The following TIPIN variants were observed in gnomAD, a reference collection of about 807,000 sequenced individuals.
TIPIN encodes the protein TIMELESS-interacting protein.
TIPIN carries 29 observed loss-of-function variants against 35.6 expected under a neutral mutation model. The observed-to-expected ratio is 0.82, with a 90% CI of 0.61 to 1.11. The LOEUF (loss-of-function observed/expected upper bound fraction) is 1.11, where lower values mean the gene tolerates loss of function less well. TIPIN is among the 50% of genes most tolerant of loss of function. The pLI is 0.00. For synonymous variants in TIPIN, 102 were observed against 121.5 expected (o/e 0.84, Z 1.06); for missense variants, 296 against 345.4 (o/e 0.86, Z 1.13).
In TIPIN at chr15:66,336,758, A is replaced by C; in HGVS notation, c.*200T>G. 1 of 532,748 alleles carries C rather than the reference A, an allele frequency of 1.9e-6. No individual in the cohort carries two copies. Among genetic ancestry groups the C allele is most frequent in the Non-Finnish European group, 3.3e-6 (1 of 301,368 alleles). The allele number at this position is 532,748 out of a possible 1,614,324, so 33.0% of individuals were successfully genotyped here. ...ATTTTATGAAGAAATACCTATATAA[A>C]AACAAACACTAAAGAGAACAAATAG... On this transcript the variant is annotated 3_prime_UTR_variant, in exon 8 of 8. Coordinates refer to ENST00000261881, the MANE Select transcript of TIPIN (RefSeq NM_017858.3).
chr15:66,370,081 C>G (rs146869358), intron 1 of TIPIN, among the ~76,000 whole-genome samples: 2 of 152,046 alleles, frequency 1.3e-5, no homozygotes, highest in African/African-American at 2.4e-5. Flanking sequence ...TAAGAATATC[C>G]GGGATTCTGG....
chr15:66,380,296 C>T (rs2093314356), intron 1 of TIPIN, among the ~76,000 whole-genome samples: 1 of 151,638 alleles, frequency 6.6e-6, no homozygotes, highest in Admixed American at 6.6e-5. Context: ...TGAGCCACTG[C>T]GCCCGGCCCC....
At chr15:66,337,868 CCAAAAAAAAA>C (rs909378103) in intron 7 of TIPIN, among the ~76,000 whole-genome samples, 1 of 148,286 alleles carries the variant, frequency 6.7e-6, no homozygotes, top group Non-Finnish European at 1.5e-5. Context: ...GATCCTATAA[CCAAAAAAAAA>C]CAAAAAAAAA....
rs554989045 is a variant in TIPIN at position 66,381,785 on chromosome 15, C to T, written c.-9+4822G>A. Among the ~76,000 whole-genome samples the T allele has an allele frequency of 9.9e-5, 15 of 152,250 alleles. No individual in the cohort carries two copies. The South Asian group carries it at 1.2e-3, about 13-fold the overall frequency. On this transcript the variant is annotated intron_variant, in intron 1 of 7. Transcript: ENST00000562124. ...CCTCTATAAATTATTCTCCTTTGGCCGGGCACGGTGGCTCACACCTGTAAT... is the reference window on the plus strand; with the variant it reads ...CCTCTATAAATTATTCTCCTTTGGCTGGGCACGGTGGCTCACACCTGTAAT...
upstream of TIPIN, among the ~76,000 whole-genome samples, chr15:66,358,377 A>G (rs570111053): frequency 6.6e-6 from 1 of 152,234 alleles, no homozygotes; most frequent in African/African-American, 2.4e-5. Flanking sequence ...AACCTAGAAG[A>G]TAATTAGGGA....
In TIPIN at chr15:66,341,347, G is replaced by A. The variant is rs1357220802; in HGVS notation, c.485C>T (p.Ala162Val). ...AGTGACATCATGTTCATTATTCTCC[G>A]CAACTTCATCTGCAATAGAAAAGAA... ...EDFVSNNDEV[A>V]ENNEHDVTST... Residue 162 changes from alanine (A) to valine (V), a missense_variant, in exon 7 of 8, where the codon GCG (alanine) becomes GTG (valine). Transcript: ENST00000261881. 19 of 1,611,056 alleles carry A rather than the reference G, an allele frequency of 1.2e-5. No homozygotes were observed. Among genetic ancestry groups the A allele is most frequent in the Admixed American group, 1.7e-5 (1 of 59,792 alleles).
chr15:66,347,061 C>T (rs561473558), intron 6 of TIPIN: 218 of 278,660 alleles, frequency 7.8e-4, no homozygotes, highest in African/African-American at 4.6e-3. Flanking sequence ...TCTCAAAGTG[C>T]TGGGATTACA....
intron 1 of TIPIN, among the ~76,000 whole-genome samples, chr15:66,373,524 T>C (rs1045357006): frequency 6.7e-6 from 1 of 150,288 alleles, no homozygotes. Context: ...GAAAAAGAAA[T>C]AAAATATACA....
intron 1 of TIPIN, chr15:66,382,729 C>T (rs1028888283): frequency 4.2e-5 from 7 of 165,100 alleles, no homozygotes; most frequent in Non-Finnish European, 6.2e-5. Flanking sequence ...ACACTGTGTA[C>T]AAATGGGATG....
chr15:66,359,614 G>A (rs976075224), upstream of TIPIN, among the ~76,000 whole-genome samples: 7 of 152,118 alleles, frequency 4.6e-5, no homozygotes, highest in Non-Finnish European at 8.8e-5. Flanking sequence ...CTACCAAAGT[G>A]CTGGGATTAC....
chr15:66,362,287 A>G (rs1419258460), intron 1 of TIPIN, among the ~76,000 whole-genome samples: 5 of 152,044 alleles, frequency 3.3e-5, no homozygotes, highest in African/African-American at 1.2e-4. Flanking sequence ...TGGGCAACAA[A>G]GAGCGAAACT....
At position 66,338,581 on chromosome 15, in the gene TIPIN, G is replaced by C. The variant is rs62627333; in HGVS notation, c.683-1400C>G. 8.9e-3 allele frequency among the ~76,000 whole-genome samples: 1,353 copies of C among 152,116 alleles called. 17 individuals carry two copies. The highest frequency in any genetic ancestry group is 0.031 in the African/African-American group (1,274 of 41,488). On this transcript the variant is annotated intron_variant, in intron 7 of 7. Transcript: ENST00000261881. Reference sequence around the variant, plus strand: ...TGTAATCCCAGCACTTTAGGAGACCGAGGTGGGTGGATCACGAGGTTAGGG... The same window carrying C: ...TGTAATCCCAGCACTTTAGGAGACCCAGGTGGGTGGATCACGAGGTTAGGG...
At chr15:66,355,465 A>T (rs1271606041) in intron 1 of TIPIN, among the ~76,000 whole-genome samples, 1 of 150,952 alleles carries the variant, frequency 6.6e-6, no homozygotes, top group Non-Finnish European at 1.5e-5. Flanking sequence ...AAAGCAAAGC[A>T]TCGGCTGGGC....
intron 1 of TIPIN, among the ~76,000 whole-genome samples, chr15:66,353,760 G>A (rs997761960): frequency 1.4e-4 from 22 of 152,016 alleles, no homozygotes; most frequent in African/African-American, 4.6e-4. Context: ...TTGATAACTC[G>A]AAAGAATGTT....
chr15:66,358,239 G>T (rs2140475188), upstream of TIPIN, among the ~76,000 whole-genome samples: 1 of 152,212 alleles, frequency 6.6e-6, no homozygotes, highest in East Asian at 1.9e-4. Context: ...AATGAAAGTG[G>T]CATATGGGAT....
chr15:66,349,654 G>T (rs558804362), intron 4 of TIPIN, among the ~76,000 whole-genome samples: 1 of 152,090 alleles, frequency 6.6e-6, no homozygotes, highest in Non-Finnish European at 1.5e-5. Flanking sequence ...CTAGGGGGAC[G>T]GATCACTTGA....
intron 6 of TIPIN, among the ~76,000 whole-genome samples, chr15:66,347,841 C>T (rs1432737959): frequency 6.6e-6 from 1 of 152,160 alleles, no homozygotes. Context: ...ACCTCAGCCT[C>T]CCAAAGTGCT....
chr15:66,336,815 T>C lies in TIPIN; in HGVS notation c.*143A>G, dbSNP rs1000229464. On this transcript the variant is annotated 3_prime_UTR_variant, in exon 8 of 8. Transcript: ENST00000261881. ...CTAAAGTGACAAGCATAATTATAAA[T>C]AAATACCAGATTATCAGATTTTAAA... 1 of 650,440 alleles carries C rather than the reference T, an allele frequency of 1.5e-6. No homozygotes were observed. Among genetic ancestry groups the C allele is most frequent in the African/African-American group, 1.8e-5 (1 of 54,874 alleles). 40.3% of individuals were successfully genotyped at this position (650,440 alleles called of 1,614,324 possible). A position where few individuals can be genotyped will look rare whatever the true frequency, so the allele number is the denominator to read the frequency against.
rs371389467 is a variant in TIPIN at position 66,374,480 on chromosome 15, G to A, written c.-9+12127C>T. Among the ~76,000 whole-genome samples the A allele has an allele frequency of 3.5e-4, 53 of 152,074 alleles. 1 individual carries two copies. The East Asian group carries it at 5.0e-3, about 14-fold the overall frequency. The stretch of plus-strand genomic sequence containing the variant: ...GGCTGGAGGCAGTGGCTTGATCTTC[G>A]CTCACTGCAACCTCTGCTTCCCAGG... On this transcript the variant is annotated intron_variant, in intron 1 of 7. Coordinates refer to the TIPIN transcript ENST00000562124.
Sources: gnomAD v4.1 joint callset for allele counts (sites outside exome capture counted in the v4.1 genomes callset) on GRCh38, gnomAD v4.1.1 for gene constraint, MANE v1.5 for transcripts, NCBI Gene and HGNC (gene_info 2026-07-23, HGNC 2026-07-21) for gene names.